Variants in ULK4 observed in about 807,000 individuals in gnomAD.
The protein encoded by ULK4 is inactive serine/threonine-protein kinase ULK4.
A neutral mutation model predicts 160.6 loss-of-function variants in ULK4; 133 were observed. The ratio of observed to expected loss-of-function variants is 0.83; its 90% CI spans 0.72 to 0.96. The LOEUF (loss-of-function observed/expected upper bound fraction) is 0.96. ULK4 is among the 40% of genes least tolerant of loss of function. The pLI is 0.00. For synonymous variants in ULK4, 534 were observed against 539.8 expected, an observed-to-expected ratio of 0.99 and a Z score of 0.15; for missense variants, 1,580 against 1,499.5, an observed-to-expected ratio of 1.05 and a Z score of -0.89.
At chr3:41,917,622 A>G (rs533295408) in intron 7 of ULK4, among the ~76,000 whole-genome samples, 1 of 152,292 alleles carries the variant, frequency 6.6e-6, no homozygotes, top group African/African-American at 2.4e-5. Flanking sequence ...ATAGATCATT[A>G]TATTAACCAC....
intron 22 of ULK4, among the ~76,000 whole-genome samples, chr3:41,727,737 T>TA (rs913320494): frequency 8.0e-5 from 12 of 150,830 alleles, no homozygotes; most frequent in East Asian, 5.8e-4. Flanking sequence ...GACATGTGGT[T>TA]AAAAAAAAAC....
chr3:41,762,015 T>A (rs2038999707), intron 21 of ULK4, among the ~76,000 whole-genome samples: 1 of 152,014 alleles, frequency 6.6e-6, no homozygotes, highest in Non-Finnish European at 1.5e-5. Context: ...GCCCAGGAGG[T>A]CGAGGCTACA....
intron 16 of ULK4, among the ~76,000 whole-genome samples, chr3:41,891,293 G>A (rs1347173978): frequency 1.0e-5 from 1 of 99,192 alleles, no homozygotes; most frequent in African/African-American, 3.7e-5. Context: ...CGGGAGCGGG[G>A]AAGGAAGGGA....
chr3:41,734,619 A>G (rs2037963866), intron 22 of ULK4, among the ~76,000 whole-genome samples: 2 of 152,208 alleles, frequency 1.3e-5, no homozygotes, highest in African/African-American at 4.8e-5. Flanking sequence ...AAAAGTGGAA[A>G]CCAACAAAGA....
At chr3:41,306,575 A>G (rs866946702) in intron 35 of ULK4, among the ~76,000 whole-genome samples, 24,887 of 137,176 alleles carry the variant, frequency 0.18, 2,537 homozygotes, top group African/African-American at 0.32. Context: ...GGTGAGGGGC[A>G]CCTCTGCCCG....
At chr3:41,289,873 ATGTGTGTG>A (rs1179930172) in intron 35 of ULK4, among the ~76,000 whole-genome samples, 10 of 150,188 alleles carry the variant, frequency 6.7e-5, no homozygotes, top group African/African-American at 2.5e-5. Flanking sequence ...GTATGTATGT[ATGTGTGTG>A]TGTGTGTATG....
chr3:41,834,673 GA>G (rs2041701196), intron 18 of ULK4, among the ~76,000 whole-genome samples: 1 of 152,194 alleles, frequency 6.6e-6, no homozygotes, highest in Non-Finnish European at 1.5e-5. Flanking sequence ...TGATTGTTCA[GA>G]AAGTCAGTTT....
At chr3:41,829,951 G>C (rs113416896) in intron 18 of ULK4, among the ~76,000 whole-genome samples, 28,046 of 150,630 alleles carry the variant, frequency 0.19, 3,044 homozygotes, top group Middle Eastern at 0.32. Context: ...ATACACCATG[G>C]AATACTATGC....
chr3:41,641,852 T>A (rs900830162), intron 30 of ULK4, among the ~76,000 whole-genome samples: 1 of 149,262 alleles, frequency 6.7e-6, no homozygotes, highest in African/African-American at 2.5e-5. Flanking sequence ...AAGGAGCTCA[T>A]AAAAATGACA....
intron 36 of ULK4, 81 bp downstream of exon 36, chr3:41,249,408 A>G: frequency 7.8e-7 from 1 of 1,282,968 alleles, no homozygotes; most frequent in Non-Finnish European, 1.1e-6. Flanking sequence ...GAGGGAGATG[A>G]GTGGGAGGAG....
chr3:41,368,422 C>G lies in ULK4; in HGVS notation c.3678+29657G>C, dbSNP rs2081296153. Among the ~76,000 whole-genome samples the G allele has an allele frequency of 2.0e-5, 3 of 152,140 alleles. No homozygotes were observed. In the South Asian group the frequency reaches 6.2e-4, roughly 32 times the overall value. ...CATTTTAAAGTGTACAAACTCAGTG[C>G]TTTTTAGTATATTCACAGAACGTGC... On this transcript the variant is annotated intron_variant, in intron 35 of 36. Transcript: ENST00000301831.
At chr3:41,949,749 C>CT (rs199711554) in intron 2 of ULK4, among the ~76,000 whole-genome samples, 31 of 134,984 alleles carry the variant, frequency 2.3e-4, no homozygotes, top group African/African-American at 4.4e-4. Context: ...TTTTTTCTTT[C>CT]TTTTTTTTTG....
Position 41,610,594 on chromosome 3 carries a change from C to G in ULK4, c.3120+5075G>C, listed in dbSNP as rs112356063. On this transcript the variant is annotated intron_variant, in intron 31 of 36. Coordinates refer to ENST00000301831, the MANE Select transcript of ULK4 (RefSeq NM_017886.4). The stretch of plus-strand genomic sequence containing the variant: ...TGTCTCAGTGATTAAATACTTTAGG[C>G]CTCAAGGGTCCATAAAGAGACTCTT... 1.9e-4 allele frequency among the ~76,000 whole-genome samples: 29 copies of G among 152,256 alleles called. 1 individual carries two copies. Among genetic ancestry groups the G allele is most frequent in the African/African-American group, 6.7e-4 (28 of 41,548 alleles).
chr3:41,555,845 A>C (rs575881603), intron 32 of ULK4, among the ~76,000 whole-genome samples: 3 of 152,220 alleles, frequency 2.0e-5, no homozygotes, highest in Non-Finnish European at 4.4e-5. Flanking sequence ...AAAACAAAAC[A>C]AAACCAAAAC....
At chr3:41,325,049 G>A (rs2080314486) in intron 35 of ULK4, among the ~76,000 whole-genome samples, 1 of 152,164 alleles carries the variant, frequency 6.6e-6, no homozygotes. Context: ...AGGACCAGTA[G>A]GGCCTGTTAC....
At chr3:41,803,428 T>A (rs2040529726) in intron 19 of ULK4, among the ~76,000 whole-genome samples, 1 of 152,174 alleles carries the variant, frequency 6.6e-6, no homozygotes, top group Non-Finnish European at 1.5e-5. Context: ...GTTAGATCCA[T>A]AAAGCTTCTA....
At chr3:41,471,001 A>C (rs2083976026) in intron 32 of ULK4, among the ~76,000 whole-genome samples, 1 of 152,144 alleles carries the variant, frequency 6.6e-6, no homozygotes, top group South Asian at 2.1e-4. Flanking sequence ...AAACAGATTA[A>C]ATTCTCCAAC....
At chr3:41,588,429 T>C (rs1423978894) in intron 31 of ULK4, among the ~76,000 whole-genome samples, 2 of 152,194 alleles carry the variant, frequency 1.3e-5, no homozygotes, top group Non-Finnish European at 2.9e-5. Flanking sequence ...AAAATCATGG[T>C]GTTTGAAGCT....
At chr3:41,856,524 T>C (rs1317980430) in intron 17 of ULK4, among the ~76,000 whole-genome samples, 3 of 122,470 alleles carry the variant, frequency 2.4e-5, no homozygotes, top group Non-Finnish European at 5.2e-5. Flanking sequence ...TATATATATA[T>C]ATATATATGT....
Sources: gnomAD v4.1 joint callset for allele counts (sites outside exome capture counted in the v4.1 genomes callset) on GRCh38, gnomAD v4.1.1 for gene constraint, MANE v1.5 for transcripts, NCBI Gene and HGNC (gene_info 2026-07-23, HGNC 2026-07-21) for gene names.